Variants in NRXN1 observed in about 807,000 individuals in gnomAD.
The protein encoded by NRXN1 is neurexin 1, also known as neurexin-1.
A neutral mutation model predicts 150.9 loss-of-function variants in NRXN1; 39 were observed. The observed-to-expected ratio is 0.26, with a 90% CI of 0.20 to 0.34. NRXN1 has a LOEUF of 0.34. NRXN1 is among the 10% of genes least tolerant of loss of function. The pLI is 1.00. For synonymous variants in NRXN1, 924 were observed against 757.0 expected (o/e 1.22, Z -3.62); for missense variants, 1,815 against 1,949.9 (o/e 0.93, Z 1.30).
intron 17 of NRXN1, among the ~76,000 whole-genome samples, chr2:50,342,971 C>G (rs2077661426): frequency 6.6e-6 from 1 of 152,200 alleles, no homozygotes; most frequent in African/African-American, 2.4e-5. Flanking sequence ...GGTATGTGTA[C>G]TGAAAGTGTC....
chr2:49,948,742 A>T (rs1221189084), intron 21 of NRXN1, among the ~76,000 whole-genome samples: 1 of 152,022 alleles, frequency 6.6e-6, no homozygotes, highest in East Asian at 1.9e-4. Context: ...GGTAGAAAGA[A>T]ACTCAAATAT....
At chr2:50,774,561 T>C (rs1340548900) in intron 5 of NRXN1, among the ~76,000 whole-genome samples, 3 of 152,188 alleles carry the variant, frequency 2.0e-5, no homozygotes, top group Non-Finnish European at 4.4e-5. Context: ...TTCTACTAAA[T>C]GTATGGTATA....
intron 8 of NRXN1, among the ~76,000 whole-genome samples, chr2:50,618,261 C>G (rs936674806): frequency 6.6e-6 from 1 of 152,126 alleles, no homozygotes; most frequent in African/African-American, 2.4e-5. Context: ...TATTCTTTTA[C>G]CATACCTGAT....
At chr2:50,063,378 G>C (rs1011233349) in intron 19 of NRXN1, among the ~76,000 whole-genome samples, 1 of 152,034 alleles carries the variant, frequency 6.6e-6, no homozygotes. Flanking sequence ...ATTGGCTCCA[G>C]CTTACTCCAG....
chr2:50,082,272 C>T (rs1422545291), intron 19 of NRXN1, among the ~76,000 whole-genome samples: 1 of 152,152 alleles, frequency 6.6e-6, no homozygotes, highest in African/African-American at 2.4e-5. Flanking sequence ...TCTTTAGCCA[C>T]ACTTATTTAA....
chr2:50,447,291 T>C (rs1301197523), intron 17 of NRXN1, among the ~76,000 whole-genome samples: 1 of 151,818 alleles, frequency 6.6e-6, no homozygotes, highest in Admixed American at 6.6e-5. Context: ...CTGGCCAACA[T>C]GGTGAAACCC....
At chr2:50,310,337 G>C (rs1296829734) in intron 17 of NRXN1, among the ~76,000 whole-genome samples, 2 of 152,142 alleles carry the variant, frequency 1.3e-5, no homozygotes, top group African/African-American at 4.8e-5. Context: ...GAAAACCAAA[G>C]TTGCAATACT....
intron 21 of NRXN1, among the ~76,000 whole-genome samples, chr2:49,996,553 T>C (rs1436841080): frequency 6.6e-6 from 1 of 152,194 alleles, no homozygotes; most frequent in Non-Finnish European, 1.5e-5. Context: ...TCCTGGATTG[T>C]CTGGTGGGCC....
Position 50,870,409 on chromosome 2 carries a change from C to A in NRXN1, c.832+51460G>T, listed in dbSNP as rs182263029. Reference sequence around the variant, plus strand: ...AACTCCTAAGCTCAAGGGATCCCCCCGCCTCAGCCTTCTGAGTAGCTGGGA... The same window carrying A: ...AACTCCTAAGCTCAAGGGATCCCCCAGCCTCAGCCTTCTGAGTAGCTGGGA... On this transcript the variant is annotated intron_variant, in intron 5 of 22. Coordinates refer to ENST00000401669, the MANE Select transcript of NRXN1 (RefSeq NM_001330078.2). Among the ~76,000 whole-genome samples the A allele has an allele frequency of 1.3e-5, 2 of 151,854 alleles. 1 individual carries two copies.
At chr2:50,976,443 T>C (rs189868286) in intron 2 of NRXN1, among the ~76,000 whole-genome samples, 454 of 152,108 alleles carry the variant, frequency 3.0e-3, no homozygotes, top group Middle Eastern at 0.01. Context: ...TCTTCACTTA[T>C]GTTTTGAAGA....
At chr2:50,332,708 C>T (rs2076912781) in intron 17 of NRXN1, among the ~76,000 whole-genome samples, 2 of 152,116 alleles carry the variant, frequency 1.3e-5, no homozygotes, top group African/African-American at 4.8e-5. Flanking sequence ...TAATAATTCC[C>T]AGCAAGTAAT....
chr2:51,003,948 T>C lies in NRXN1; in HGVS notation c.772+23554A>G, dbSNP rs1575186137. Reference sequence around the variant, plus strand: ...CATTAAGGCTCTCTTTTCATAGACCTGCAGAAAACCGGTTTTACTAATCCC... The same window carrying C: ...CATTAAGGCTCTCTTTTCATAGACCCGCAGAAAACCGGTTTTACTAATCCC... On this transcript the variant is annotated intron_variant, in intron 2 of 22. Coordinates refer to ENST00000401669, the MANE Select transcript of NRXN1 (RefSeq NM_001330078.2). Among the ~76,000 whole-genome samples, 3 of 152,012 alleles carry C rather than the reference T, an allele frequency of 2.0e-5. No homozygotes were observed. The South Asian group carries it at 6.2e-4, about 32-fold the overall frequency.
At chr2:50,663,852 A>C (rs1484304757) in intron 5 of NRXN1, among the ~76,000 whole-genome samples, 1 of 150,716 alleles carries the variant, frequency 6.6e-6, no homozygotes, top group East Asian at 1.9e-4. Context: ...AGATTTAAGA[A>C]TATTTTTATT....
chr2:50,863,592 A>G (rs1343896233), intron 5 of NRXN1, among the ~76,000 whole-genome samples: 2 of 151,968 alleles, frequency 1.3e-5, no homozygotes, highest in Non-Finnish European at 2.9e-5. Context: ...AAATGGCCAC[A>G]CTTTTTGAGA....
At chr2:50,396,413 T>A (rs912810849) in intron 17 of NRXN1, among the ~76,000 whole-genome samples, 1 of 152,214 alleles carries the variant, frequency 6.6e-6, no homozygotes, top group African/African-American at 2.4e-5. Flanking sequence ...TTTAGATAGC[T>A]ACACATAGCA....
chr2:50,296,322 G>A (rs1336767837), intron 17 of NRXN1, among the ~76,000 whole-genome samples: 2 of 152,156 alleles, frequency 1.3e-5, no homozygotes, highest in Non-Finnish European at 2.9e-5. Flanking sequence ...CAGATTTCAT[G>A]CAATTGCCAC....
intron 8 of NRXN1, among the ~76,000 whole-genome samples, chr2:50,594,282 C>T (rs1453734779): frequency 3.9e-5 from 6 of 152,128 alleles, no homozygotes; most frequent in Admixed American, 6.5e-5. Flanking sequence ...AATGTATGCT[C>T]GCATTTCCTT....
intron 2 of NRXN1, among the ~76,000 whole-genome samples, chr2:50,938,162 T>C (rs553019667): frequency 4.7e-4 from 72 of 152,254 alleles, no homozygotes; most frequent in Non-Finnish European, 8.1e-4. Context: ...AGACAGTAGA[T>C]AGTGAGTAAA....
chr2:50,069,493 G>GT (rs1203665261), intron 19 of NRXN1, among the ~76,000 whole-genome samples: 1 of 152,106 alleles, frequency 6.6e-6, no homozygotes, highest in Non-Finnish European at 1.5e-5. Flanking sequence ...TACCATAAAT[G>GT]TTTTTTAACT....
Sources: gnomAD v4.1 joint callset for allele counts (sites outside exome capture counted in the v4.1 genomes callset) on GRCh38, gnomAD v4.1.1 for gene constraint, MANE v1.5 for transcripts, NCBI Gene and HGNC (gene_info 2026-07-23, HGNC 2026-07-21) for gene names.